The following SSUH2 variants were observed in gnomAD, a reference collection of about 807,000 sequenced individuals.
The protein encoded by SSUH2 is protein SSUH2 homolog.
Under a neutral mutation model 55.3 loss-of-function variants are expected in SSUH2, and 47 were observed. The ratio of observed to expected loss-of-function variants is 0.85; its 90% CI spans 0.67 to 1.08. The LOEUF (loss-of-function observed/expected upper bound fraction) is 1.08. Among genes scored for constraint, SSUH2 ranks in the 50% least tolerant of loss-of-function variants. SSUH2 has a pLI of 0.00. For missense variants in SSUH2, 535 were observed against 490.7 expected (o/e 1.09, Z -0.85); for synonymous variants, 212 against 191.5 (o/e 1.11, Z -0.89).
rs1216202296 is a variant in SSUH2, at chr3:8,679,247, G to GCC, written c.-901+456_-901+457dup. 5.9e-4 allele frequency among the ~76,000 whole-genome samples: 48 copies of GCC among 81,032 alleles called. 1 individual carries two copies. Among genetic ancestry groups the GCC allele is most frequent in the Admixed American group, 1.2e-3 (9 of 7,374 alleles). The allele number at this position is 81,032 out of a possible 152,430, so 53.2% of individuals were successfully genotyped here. A position where few individuals can be genotyped will look rare whatever the true frequency, so the allele number is the denominator to read the frequency against. On this transcript the variant is annotated intron_variant, in intron 2 of 18. Coordinates refer to the SSUH2 transcript ENST00000317371. ...CTCCGTGAGCGGGGACTGAGAGCCA[G>GCC]CCAATTTTCCCCCTGGCTTTTAGGA...
At chr3:8,678,322 G>A (rs538009195) in intron 2 of SSUH2, among the ~76,000 whole-genome samples, 17 of 152,014 alleles carry the variant, frequency 1.1e-4, no homozygotes, top group African/African-American at 2.4e-4. Flanking sequence ...TGTACACCTC[G>A]TGCTCTATTA....
At chr3:8,653,255 A>G (rs2125329531) in intron 7 of SSUH2, among the ~76,000 whole-genome samples, 1 of 152,308 alleles carries the variant, frequency 6.6e-6, no homozygotes, top group Non-Finnish European at 1.5e-5. Context: ...ACTCACTTTC[A>G]TTGTCCTCTT....
intron 7 of SSUH2, among the ~76,000 whole-genome samples, chr3:8,628,924 C>T (rs1698162661): frequency 6.6e-6 from 1 of 152,258 alleles, no homozygotes; most frequent in Non-Finnish European, 1.5e-5. Flanking sequence ...GGCACGTTCT[C>T]CGCTCACTGC....
chr3:8,663,230 G>A (rs1011696306), intron 6 of SSUH2, among the ~76,000 whole-genome samples: 2 of 152,244 alleles, frequency 1.3e-5, no homozygotes, highest in Non-Finnish European at 2.9e-5. Flanking sequence ...CTTGCCTCAA[G>A]TACTAAGCTC....
At chr3:8,660,127 C>T (rs1322978226) in intron 6 of SSUH2, among the ~76,000 whole-genome samples, 2 of 152,202 alleles carry the variant, frequency 1.3e-5, no homozygotes, top group Non-Finnish European at 2.9e-5. Context: ...TACACAATTC[C>T]TAACAGGCAG....
At chr3:8,631,218 A>G (rs1203725861) in intron 5 of SSUH2, among the ~76,000 whole-genome samples, 8 of 152,076 alleles carry the variant, frequency 5.3e-5, no homozygotes, top group Admixed American at 5.2e-4. Flanking sequence ...TAAAATGGGG[A>G]TAGTCATGGC....
chr3:8,653,756 A>T (rs73125191), intron 7 of SSUH2, among the ~76,000 whole-genome samples: 1,825 of 152,380 alleles, frequency 0.012, 35 homozygotes, highest in African/African-American at 0.04. Context: ...TAAAAAGCAC[A>T]AATCTTAAAA....
intron 2 of SSUH2, among the ~76,000 whole-genome samples, chr3:8,677,985 A>G (rs1705548599): frequency 6.6e-6 from 1 of 151,384 alleles, no homozygotes; most frequent in South Asian, 2.1e-4. Context: ...CTCCCTGAAT[A>G]TTAAGAACAG....
intron 8 of SSUH2, chr3:8,627,185 A>G (rs1697771203): frequency 6.6e-6 from 1 of 152,628 alleles, no homozygotes; most frequent in Non-Finnish European, 1.5e-5. Flanking sequence ...ACACTAAAGG[A>G]TAGGATTTAC....
At chr3:8,626,364 T>C (rs775524573) in intron 8 of SSUH2, 43 bp from the exon 9 acceptor site, 23 of 1,530,552 alleles carry the variant, frequency 1.5e-5, no homozygotes, top group Middle Eastern at 1.7e-4. Context: ...CAGTTGCAGG[T>C]CCTGGTGGCT....
intron 7 of SSUH2, among the ~76,000 whole-genome samples, chr3:8,653,813 A>T (rs1288668865): frequency 4.6e-5 from 7 of 152,234 alleles, no homozygotes; most frequent in Non-Finnish European, 8.8e-5. Context: ...CGTGTGACCA[A>T]AACTCAGATC....
chr3:8,619,869 C>T lies in SSUH2; in HGVS notation c.1127G>A (p.Ter376=). Residue 376 remains the stop codon, a stop_retained_variant, in exon 12 of 12, where the codon TGA becomes TAA. Transcript: ENST00000544814. ...ERYCCGCTIV[*] is the part of the protein sequence containing the mutation. The stretch of plus-strand genomic sequence containing the variant: ...GGCTCTGGGGACAGCCATGCTATGT[C>T]ACACGATGGTACAGCCACAGCAATA... The T allele has an allele frequency of 6.2e-7, 1 of 1,613,192 alleles. No homozygotes were observed. Among genetic ancestry groups the T allele is most frequent in the East Asian group, 2.2e-5 (1 of 44,864 alleles).
intron 1 of SSUH2, among the ~76,000 whole-genome samples, chr3:8,638,419 AG>A (rs1185813129): frequency 6.6e-6 from 1 of 152,202 alleles, no homozygotes; most frequent in African/African-American, 2.4e-5. Flanking sequence ...AATAGAAAAA[AG>A]TTTCATAGAC....
At chr3:8,621,407 G>T (rs1478020046) in intron 11 of SSUH2, among the ~76,000 whole-genome samples, 1 of 152,174 alleles carries the variant, frequency 6.6e-6, no homozygotes, top group Non-Finnish European at 1.5e-5. Context: ...TGGCTGCTTC[G>T]ACTTCTCTCT....
Position 8,619,968 on chromosome 3 carries a change from T to C in SSUH2, c.1028A>G (p.Tyr343Cys). Reference protein sequence around the residue: ...LIPLTEVHYWYQGKTYVYYIY... With the variant: ...LIPLTEVHYWCQGKTYVYYIY... ...GTAGTAGACATAAGTCTTTCCTTGG[T>C]ACCAATAGTGAACTTCTGTGAGGGG... Residue 343 changes from tyrosine (Y) to cysteine (C), a missense_variant, in exon 12 of 12, where the codon TAC becomes TGC. Physicochemically the swap from Tyr to Cys is radical, Grantham distance 194 (BLOSUM62 -2). Transcript: ENST00000544814. The C allele has an allele frequency of 6.2e-7, 1 of 1,614,166 alleles. No homozygotes were observed. The highest frequency in any genetic ancestry group is 8.5e-7 in the Non-Finnish European group (1 of 1,180,022).
chr3:8,660,712 G>A (rs942294569), intron 6 of SSUH2, among the ~76,000 whole-genome samples: 11 of 152,022 alleles, frequency 7.2e-5, no homozygotes, highest in Admixed American at 5.2e-4. Flanking sequence ...CACAAGTTAC[G>A]TTATGCTATA....
intron 1 of SSUH2, among the ~76,000 whole-genome samples, chr3:8,640,237 T>C (rs755658885): frequency 3.3e-5 from 5 of 152,186 alleles, no homozygotes; most frequent in Non-Finnish European, 5.9e-5. Context: ...TTATGTCAGG[T>C]ATATTTTATC....
intron 3 of SSUH2, among the ~76,000 whole-genome samples, chr3:8,673,497 CT>C (rs1704853836): frequency 6.6e-6 from 1 of 152,054 alleles, no homozygotes. Context: ...CTCTGCTGAC[CT>C]TCTCAACTGG....
intron 3 of SSUH2, chr3:8,634,389 C>T: frequency 1.6e-6 from 2 of 1,246,178 alleles, no homozygotes; most frequent in Non-Finnish European, 2.1e-6. Flanking sequence ...GGCCATGCCA[C>T]CCCCTTACTG....
Sources: allele counts gnomAD v4.1 joint callset (sites outside exome capture counted in the v4.1 genomes callset), GRCh38; gene constraint gnomAD v4.1.1; transcripts MANE v1.5; gene names NCBI Gene and HGNC (gene_info 2026-07-23, HGNC 2026-07-21).